Variants in ENOX1 observed in about 807,000 individuals in gnomAD.
ENOX1 encodes the protein ecto-NOX disulfide-thiol exchanger 1, also known as candidate growth-related and time keeping constitutive hydroquinone (NADH) oxidase.
A neutral mutation model predicts 82.5 loss-of-function variants in ENOX1; 42 were observed. The observed-to-expected ratio is 0.51, with a 90% CI of 0.40 to 0.66. The LOEUF (loss-of-function observed/expected upper bound fraction) is 0.66. Ranked by LOEUF, ENOX1 falls within the 30% of genes least tolerant of loss-of-function variation. ENOX1 has a pLI of 0.00. For synonymous variants in ENOX1, 271 were observed against 282.2 expected, an observed-to-expected ratio of 0.96 and a Z score of 0.40; for missense variants, 608 against 811.6, an observed-to-expected ratio of 0.75 and a Z score of 3.05.
chr13:43,450,796 T>G (rs572051071), intron 3 of ENOX1, among the ~76,000 whole-genome samples: 10 of 152,174 alleles, frequency 6.6e-5, no homozygotes, highest in Non-Finnish European at 1.5e-4. Flanking sequence ...GGGCAAGATG[T>G]TTGCTATCTC....
intron 2 of ENOX1, among the ~76,000 whole-genome samples, chr13:43,508,374 G>C (rs889871959): frequency 3.9e-5 from 6 of 152,086 alleles, no homozygotes; most frequent in African/African-American, 1.4e-4. Flanking sequence ...GAAACTGCCA[G>C]CACCATGATC....
chr13:43,482,924 T>C (rs985055644), intron 3 of ENOX1, among the ~76,000 whole-genome samples: 1 of 152,012 alleles, frequency 6.6e-6, no homozygotes, highest in Non-Finnish European at 1.5e-5. Flanking sequence ...CCCTAGTAAA[T>C]ACCCCCTGCC....
intron 2 of ENOX1, among the ~76,000 whole-genome samples, chr13:43,488,384 C>T (rs533064398): frequency 2.6e-5 from 4 of 152,184 alleles, no homozygotes; most frequent in African/African-American, 7.2e-5. Context: ...GAGCAGCCAG[C>T]ACCACAGACA....
intron 11 of ENOX1, among the ~76,000 whole-genome samples, chr13:43,299,200 A>G (rs7982922): frequency 0.87 from 131,935 of 152,148 alleles, 57,440 homozygotes; most frequent in East Asian, 0.96. Flanking sequence ...ATTTAGATTC[A>G]GACTTCATTC....
At chr13:43,571,609 GA>G (rs1258177457) in intron 2 of ENOX1, among the ~76,000 whole-genome samples, 1 of 152,150 alleles carries the variant, frequency 6.6e-6, no homozygotes, top group East Asian at 1.9e-4. Context: ...AGAATCGCTT[GA>G]ACCCTGGAGG....
chr13:43,214,138 A>C lies in ENOX1; in HGVS notation c.1801-17T>G. On this transcript the variant is annotated splice_polypyrimidine_tract_variant and intron_variant, in intron 16 of 16. Coordinates refer to ENST00000690772, the MANE Select transcript of ENOX1 (RefSeq NM_001347969.2). ...TGCAGATATCTGTTAGAAAGGAAGG[A>C]AAGTCACTTTGGGGAAAGGAACTCA... is the stretch of plus-strand genomic sequence containing the variant. The C allele has an allele frequency of 1.9e-6, 3 of 1,610,494 alleles. No individual in the cohort carries two copies. The highest frequency in any genetic ancestry group is 2.5e-6 in the Non-Finnish European group (3 of 1,177,926).
chr13:43,465,467 C>G (rs1308113115), intron 3 of ENOX1, among the ~76,000 whole-genome samples: 1 of 151,922 alleles, frequency 6.6e-6, no homozygotes, highest in Non-Finnish European at 1.5e-5. Flanking sequence ...TTAGGGCATA[C>G]CATGTGCTCC....
At position 43,460,368 on chromosome 13, in the gene ENOX1, A is replaced by T. The variant is rs79590602; in HGVS notation, c.-75+23641T>A. ...CATTAAAAATTCTATCAGAAACCCC[A>T]CTTCCTCTCAAGAGGAAATTTATCC... is the stretch of plus-strand genomic sequence containing the variant. On this transcript the variant is annotated intron_variant, in intron 3 of 16. Transcript: ENST00000690772. Among the ~76,000 whole-genome samples the T allele has an allele frequency of 4.4e-4, 67 of 152,228 alleles. 3 individuals are homozygous for T. The East Asian group carries it at 0.013, about 29-fold the overall frequency.
intron 2 of ENOX1, among the ~76,000 whole-genome samples, chr13:43,553,418 C>T (rs952597490): frequency 8.5e-5 from 13 of 152,132 alleles, no homozygotes; most frequent in African/African-American, 2.7e-4. Context: ...GCTCTGACAA[C>T]GAAGGCCCAA....
intron 3 of ENOX1, among the ~76,000 whole-genome samples, chr13:43,460,473 G>A (rs1248041423): frequency 6.6e-6 from 1 of 152,078 alleles, no homozygotes; most frequent in Non-Finnish European, 1.5e-5. Context: ...CAGTAATAAG[G>A]AGTTTCCTAC....
intron 10 of ENOX1, among the ~76,000 whole-genome samples, chr13:43,325,512 T>C (rs2048060761): frequency 6.6e-6 from 1 of 152,230 alleles, no homozygotes; most frequent in Non-Finnish European, 1.5e-5. Flanking sequence ...GATATCATAG[T>C]ACTTTGTGAT....
At chr13:43,719,626 G>T (rs1375881480) in intron 1 of ENOX1, among the ~76,000 whole-genome samples, 1 of 152,036 alleles carries the variant, frequency 6.6e-6, no homozygotes, top group Admixed American at 6.6e-5. Context: ...TTCAACACAA[G>T]ATATCCAAAG....
At chr13:43,544,951 T>C (rs1288838694) in intron 2 of ENOX1, 1 of 152,182 alleles carries the variant, frequency 6.6e-6, no homozygotes, top group Non-Finnish European at 1.5e-5. Flanking sequence ...ACAAACTATA[T>C]TGAACACAGA....
chr13:43,226,822 A>C (rs1440866513), intron 15 of ENOX1, among the ~76,000 whole-genome samples: 1 of 152,192 alleles, frequency 6.6e-6, no homozygotes, highest in African/African-American at 2.4e-5. Flanking sequence ...GGGGAGCAGC[A>C]TTCCTCGGGT....
chr13:43,310,258 T>C (rs917051313), intron 11 of ENOX1, among the ~76,000 whole-genome samples: 2 of 144,030 alleles, frequency 1.4e-5, no homozygotes, highest in African/African-American at 5.1e-5. Context: ...AGTTAAGCAC[T>C]ATTAATCAAA....
At chr13:43,717,790 C>T (rs190248428) in intron 1 of ENOX1, among the ~76,000 whole-genome samples, 4 of 152,122 alleles carry the variant, frequency 2.6e-5, no homozygotes, top group Non-Finnish European at 5.9e-5. Context: ...TGAAAAAAAG[C>T]TCATCACTAA....
At chr13:43,552,344 A>G (rs1388755516) in intron 2 of ENOX1, among the ~76,000 whole-genome samples, 1 of 143,944 alleles carries the variant, frequency 6.9e-6, no homozygotes, top group East Asian at 2.6e-4. Flanking sequence ...GAGGCTCTTA[A>G]CTAAAAAAAA....
intron 2 of ENOX1, among the ~76,000 whole-genome samples, chr13:43,499,514 C>G (rs576277696): frequency 6.6e-6 from 1 of 152,082 alleles, no homozygotes; most frequent in Non-Finnish European, 1.5e-5. Context: ...CTCACAGACA[C>G]TGACACCCGG....
At chr13:43,339,569 C>A (rs2048937504) in intron 9 of ENOX1, among the ~76,000 whole-genome samples, 2 of 152,190 alleles carry the variant, frequency 1.3e-5, no homozygotes, top group African/African-American at 4.8e-5. Flanking sequence ...AGCCAGTTTG[C>A]CAATACACCT....
Sources: gnomAD v4.1 joint callset for allele counts (sites outside exome capture counted in the v4.1 genomes callset) on GRCh38, gnomAD v4.1.1 for gene constraint, MANE v1.5 for transcripts, NCBI Gene and HGNC (gene_info 2026-07-23, HGNC 2026-07-21) for gene names.